BCAS3: variants seen among roughly 807,000 people sequenced by gnomAD.
BCAS3 encodes the protein BCAS3 microtubule associated cell migration factor.
A neutral mutation model predicts 116.1 loss-of-function variants in BCAS3; 53 were observed. The ratio of observed to expected loss-of-function variants is 0.46; its 90% CI spans 0.37 to 0.57. BCAS3 has a LOEUF of 0.57. Ranked by LOEUF, BCAS3 falls within the 20% of genes least tolerant of loss-of-function variation. The probability of loss-of-function intolerance (pLI) is 0.00; values close to 1 mark genes in which losing one functional copy is unlikely to be tolerated. For synonymous variants in BCAS3, 391 were observed against 408.2 expected (o/e 0.96, Z 0.51); for missense variants, 917 against 1,165.4 (o/e 0.79, Z 3.10).
intron 22 of BCAS3, among the ~76,000 whole-genome samples, chr17:61,202,901 C>T (rs1191539026): frequency 6.6e-6 from 1 of 152,060 alleles, no homozygotes; most frequent in Non-Finnish European, 1.5e-5. Flanking sequence ...TATGTATTTG[C>T]CCTATTTTAA....
At position 61,037,886 on chromosome 17, in the gene BCAS3, T is replaced by A; in HGVS notation, c.1763-3T>A. The A allele has an allele frequency of 6.2e-7, 1 of 1,612,594 alleles. No homozygotes were observed. The highest frequency in any genetic ancestry group is 1.1e-5 in the South Asian group (1 of 90,804). On this transcript the variant is annotated splice_polypyrimidine_tract_variant and splice_region_variant and intron_variant, in intron 17 of 23. Transcript: ENST00000407086. This position sits in a 1 kb window ranked among gnomAD's most constrained non-coding sequence, Gnocchi z 4.7. ...ACATCGGGTTCTGTTTCTCTGTTTG[T>A]AGATCAGTCCAAACAAGTTGTAGTT... is the stretch of plus-strand genomic sequence containing the variant.
intron 2 of BCAS3, among the ~76,000 whole-genome samples, chr17:60,681,254 T>C (rs1041924754): frequency 2.0e-5 from 3 of 151,796 alleles, no homozygotes; most frequent in African/African-American, 7.3e-5. Flanking sequence ...AATCCCAGCA[T>C]TTTGGGAGGC....
At chr17:60,868,328 C>G (rs1291811544) in intron 7 of BCAS3, among the ~76,000 whole-genome samples, 2 of 151,978 alleles carry the variant, frequency 1.3e-5, no homozygotes, top group African/African-American at 4.8e-5. Flanking sequence ...CCAGCCTAAT[C>G]ATATCATTTT....
At chr17:60,796,928 CAG>C (rs754186781) in intron 6 of BCAS3, among the ~76,000 whole-genome samples, 1 of 152,122 alleles carries the variant, frequency 6.6e-6, no homozygotes, top group Non-Finnish European at 1.5e-5. Context: ...TTTTTTGAGA[CAG>C]AGTCGCGCTC....
intron 7 of BCAS3, among the ~76,000 whole-genome samples, chr17:60,866,346 C>A (rs1483680840): frequency 1.3e-5 from 2 of 152,042 alleles, no homozygotes; most frequent in African/African-American, 2.4e-5. Context: ...TCAGGCTGGT[C>A]TTGAACTCCC....
In BCAS3 at chr17:61,032,166, A is replaced by G. The variant is rs183497014; in HGVS notation, c.1638-2500A>G. Among the ~76,000 whole-genome samples the G allele has an allele frequency of 1.3e-5, 2 of 152,234 alleles. No individual in the cohort carries two copies. The highest frequency in any genetic ancestry group is 3.9e-4 in the East Asian group (2 of 5,194). ...ATTTTTAAGTCTGTTTAGGATGCAT[A>G]CTTCAGAGGGACCATATTTTCTCTT... is the stretch of plus-strand genomic sequence containing the variant. On this transcript the variant is annotated intron_variant, in intron 16 of 23. Transcript: ENST00000407086. This position sits in a 1 kb window ranked among gnomAD's most constrained non-coding sequence, Gnocchi z 4.6.
At chr17:61,085,611 ATCTAGGGCTATGCCT>A (rs1031855902) in intron 22 of BCAS3, among the ~76,000 whole-genome samples, 4 of 152,172 alleles carry the variant, frequency 2.6e-5, no homozygotes, top group Admixed American at 6.5e-5. Context: ...GAGCTGCCCC[ATCTAGGGCTATGCCT>A]TCATTTTTAA....
chr17:60,845,214 A>C (rs1203386588), intron 7 of BCAS3, among the ~76,000 whole-genome samples: 1 of 152,246 alleles, frequency 6.6e-6, no homozygotes, highest in African/African-American at 2.4e-5. Context: ...AGGCAACAAG[A>C]GGGAGACTCC....
chr17:61,303,546 T>G (rs963431337), intron 22 of BCAS3, among the ~76,000 whole-genome samples: 1 of 152,212 alleles, frequency 6.6e-6, no homozygotes, highest in Admixed American at 6.5e-5. Context: ...CTTTGGCACT[T>G]TCTCCTCCTG....
rs184102360 is a variant in BCAS3, at chr17:61,153,763, C to T, written c.2425+69199C>T. Among the ~76,000 whole-genome samples, 11 of 152,028 alleles carry T rather than the reference C, an allele frequency of 7.2e-5. No individual in the cohort carries two copies. In the East Asian group the frequency reaches 2.1e-3, roughly 29 times the overall value. On this transcript the variant is annotated intron_variant, in intron 22 of 23. Coordinates refer to ENST00000407086, the MANE Select transcript of BCAS3 (RefSeq NM_017679.5). ...TGTTTGGCTAAACTTTGCTGTTTAC[C>T]TCATTATCAACTTTTATATCAGAAC...
At chr17:60,959,706 C>T (rs1427494879) in intron 14 of BCAS3, among the ~76,000 whole-genome samples, 1 of 152,078 alleles carries the variant, frequency 6.6e-6, no homozygotes, top group Admixed American at 6.6e-5. Flanking sequence ...TGGTTTTTTT[C>T]CTGTGGTTAC....
At chr17:60,957,959 A>G (rs989914420) in intron 14 of BCAS3, among the ~76,000 whole-genome samples, 1 of 152,212 alleles carries the variant, frequency 6.6e-6, no homozygotes, top group South Asian at 2.1e-4. Context: ...AAACAACTAA[A>G]CAATGAACAG....
At chr17:60,895,405 T>C (rs2057443051) in intron 10 of BCAS3, among the ~76,000 whole-genome samples, 1 of 152,104 alleles carries the variant, frequency 6.6e-6, no homozygotes, top group African/African-American at 2.4e-5. Flanking sequence ...GTTGTAATGT[T>C]CTCTTTTTCA....
intron 7 of BCAS3, among the ~76,000 whole-genome samples, chr17:60,842,948 T>C (rs2052100900): frequency 6.6e-6 from 1 of 151,706 alleles, no homozygotes; most frequent in Admixed American, 6.6e-5. Context: ...TATAGCTCAT[T>C]GCAGTCTTGA....
chr17:61,045,877 A>C (rs1264437064), intron 19 of BCAS3, among the ~76,000 whole-genome samples: 2 of 46,502 alleles, frequency 4.3e-5, no homozygotes, highest in African/African-American at 2.3e-4. Context: ...ATATATATAA[A>C]TATATATTAT....
At chr17:60,945,254 T>C (rs1411021105) in intron 13 of BCAS3, among the ~76,000 whole-genome samples, 1 of 152,178 alleles carries the variant, frequency 6.6e-6, no homozygotes, top group Non-Finnish European at 1.5e-5. Context: ...AAAATAGATC[T>C]AAATCAAGAA....
intron 22 of BCAS3, among the ~76,000 whole-genome samples, chr17:61,289,529 G>C (rs1013977393): frequency 2.0e-5 from 3 of 152,194 alleles, no homozygotes; most frequent in Admixed American, 1.3e-4. Flanking sequence ...AGGAGTTAGT[G>C]GTGTGGAGTA....
intron 14 of BCAS3, among the ~76,000 whole-genome samples, chr17:60,975,898 T>C (rs923872100): frequency 4.6e-5 from 7 of 152,150 alleles, no homozygotes; most frequent in African/African-American, 1.4e-4. Context: ...GATGAGTAAA[T>C]ACTATTTCAT....
At chr17:60,896,776 A>G (rs1033532026) in intron 10 of BCAS3, among the ~76,000 whole-genome samples, 7 of 151,954 alleles carry the variant, frequency 4.6e-5, no homozygotes, top group Non-Finnish European at 8.8e-5. Flanking sequence ...AAAAAAATCC[A>G]TTTAGTTATT....
Sources: allele counts gnomAD v4.1 joint callset (sites outside exome capture counted in the v4.1 genomes callset), GRCh38; gene constraint gnomAD v4.1.1; non-coding constraint Gnocchi (gnomAD v3.1); transcripts MANE v1.5; gene names NCBI Gene and HGNC (gene_info 2026-07-23, HGNC 2026-07-21).